Variants in DPP10 observed in about 807,000 individuals in gnomAD.
DPP10 encodes dipeptidyl peptidase like 10.
A neutral mutation model predicts 120.9 loss-of-function variants in DPP10; 33 were observed. The ratio of observed to expected loss-of-function variants is 0.27; its 90% CI spans 0.21 to 0.37. The LOEUF is 0.37. Ranked by LOEUF, DPP10 falls within the 10% of genes least tolerant of loss-of-function variation. The probability of loss-of-function intolerance (pLI) is 1.00; values close to 1 mark genes in which losing one functional copy is unlikely to be tolerated. For synonymous variants in DPP10, 337 were observed against 326.1 expected (o/e 1.03, Z -0.36); for missense variants, 816 against 942.8 (o/e 0.87, Z 1.76).
intron 1 of DPP10, among the ~76,000 whole-genome samples, chr2:114,923,181 TTC>T (rs1491014525): frequency 1.3e-5 from 2 of 151,804 alleles, no homozygotes; most frequent in African/African-American, 2.4e-5. Context: ...TGTATTTTTT[TTC>T]TTTTTTCTTT....
intron 3 of DPP10, among the ~76,000 whole-genome samples, chr2:115,473,706 T>G (rs2105200216): frequency 6.6e-6 from 1 of 152,318 alleles, no homozygotes; most frequent in South Asian, 2.1e-4. Context: ...CAGCTAACTT[T>G]ATGACTACTT....
chr2:115,760,044 C>T (rs1320093518), intron 11 of DPP10, among the ~76,000 whole-genome samples: 3 of 151,948 alleles, frequency 2.0e-5, no homozygotes, highest in East Asian at 3.9e-4. Context: ...AAAAAAAAAC[C>T]CATACATTAT....
intron 1 of DPP10, among the ~76,000 whole-genome samples, chr2:114,880,828 C>G (rs1691541389): frequency 6.6e-6 from 1 of 151,982 alleles, no homozygotes; most frequent in African/African-American, 2.4e-5. Flanking sequence ...ATTTCAAAAC[C>G]CAGTGCGATG....
intron 5 of DPP10, among the ~76,000 whole-genome samples, chr2:115,653,893 T>G (rs2149385780): frequency 6.6e-6 from 1 of 152,026 alleles, no homozygotes; most frequent in South Asian, 2.1e-4. Context: ...ATCCATGTTT[T>G]ATTGTTGTGA....
chr2:114,607,221 A>T (rs780559277), intron 1 of DPP10, among the ~76,000 whole-genome samples: 13 of 152,212 alleles, frequency 8.5e-5, no homozygotes, highest in Non-Finnish European at 2.9e-5. Flanking sequence ...GAGGGAACAC[A>T]GTTCTCCATG....
At chr2:114,800,155 T>C (rs1280589354) in intron 1 of DPP10, among the ~76,000 whole-genome samples, 1 of 152,172 alleles carries the variant, frequency 6.6e-6, no homozygotes, top group East Asian at 1.9e-4. Flanking sequence ...TAAATGGAAT[T>C]ATTGAAACAA....
chr2:114,965,205 C>T (rs771007178), intron 1 of DPP10, among the ~76,000 whole-genome samples: 23 of 152,114 alleles, frequency 1.5e-4, no homozygotes, highest in East Asian at 1.9e-4. Flanking sequence ...TGCATGATCT[C>T]GGCTCACTGC....
chr2:114,862,202 A>C (rs1353620030), intron 1 of DPP10, among the ~76,000 whole-genome samples: 1 of 152,174 alleles, frequency 6.6e-6, no homozygotes, highest in African/African-American at 2.4e-5. Context: ...ACAAAGGTAA[A>C]ATGAAATGGA....
At chr2:114,606,556 ATATAT>A in intron 1 of DPP10, among the ~76,000 whole-genome samples, 1 of 152,226 alleles carries the variant, frequency 6.6e-6, no homozygotes, top group Middle Eastern at 3.4e-3. Context: ...TCACAGTCTC[ATATAT>A]TCGGACCAGT....
intron 3 of DPP10, among the ~76,000 whole-genome samples, chr2:115,420,873 A>T (rs2069883270): frequency 6.6e-6 from 1 of 152,190 alleles, no homozygotes; most frequent in African/African-American, 2.4e-5. Flanking sequence ...AATATCAGAT[A>T]CTCAGAAAAA....
intron 1 of DPP10, among the ~76,000 whole-genome samples, chr2:114,627,004 G>C (rs986877102): frequency 3.9e-5 from 6 of 151,972 alleles, no homozygotes; most frequent in African/African-American, 1.2e-4. Context: ...AAAATATTTA[G>C]GCAGTTTTCC....
intron 11 of DPP10, among the ~76,000 whole-genome samples, chr2:115,754,794 A>G (rs1679192812): frequency 6.6e-6 from 1 of 152,170 alleles, no homozygotes; most frequent in Non-Finnish European, 1.5e-5. Context: ...TGGAATTAGC[A>G]GACACATGTT....
At chr2:114,770,818 A>G (rs754502930) in intron 1 of DPP10, among the ~76,000 whole-genome samples, 6 of 152,302 alleles carry the variant, frequency 3.9e-5, no homozygotes, top group Non-Finnish European at 8.8e-5. Flanking sequence ...TCCCTTCTCT[A>G]CAAGGAATAA....
intron 1 of DPP10, among the ~76,000 whole-genome samples, chr2:115,083,307 G>T (rs1451856166): frequency 6.6e-6 from 1 of 151,952 alleles, no homozygotes; most frequent in African/African-American, 2.4e-5. Flanking sequence ...GCCTCTTCCT[G>T]CATTAAAGTC....
At chr2:115,526,088 C>T (rs746171203) in intron 5 of DPP10, 116 bp downstream of exon 5, 38 of 720,448 alleles carry the variant, frequency 5.3e-5, no homozygotes, top group Admixed American at 1.2e-4. Flanking sequence ...TAGTAACTAC[C>T]GGAGGACAGT....
At chr2:114,736,619 G>C (rs538607773) in intron 1 of DPP10, among the ~76,000 whole-genome samples, 1 of 152,290 alleles carries the variant, frequency 6.6e-6, no homozygotes, top group East Asian at 1.9e-4. Flanking sequence ...AGGCAATGTT[G>C]ATAATTTAGG....
At chr2:114,726,219 G>T (rs1702037307) in intron 1 of DPP10, among the ~76,000 whole-genome samples, 1 of 147,424 alleles carries the variant, frequency 6.8e-6, no homozygotes, top group African/African-American at 2.5e-5. Context: ...CTGGGAAACA[G>T]AGCGAGACTA....
intron 1 of DPP10, among the ~76,000 whole-genome samples, chr2:114,582,537 G>A (rs1690619581): frequency 1.3e-5 from 2 of 152,300 alleles, no homozygotes; most frequent in South Asian, 4.1e-4. Flanking sequence ...AAGTGGCTGT[G>A]CCATTCTGTA....
At chr2:115,062,380 A>G (rs1706487187) in intron 1 of DPP10, among the ~76,000 whole-genome samples, 1 of 152,084 alleles carries the variant, frequency 6.6e-6, no homozygotes, top group Non-Finnish European at 1.5e-5. Flanking sequence ...TTTGTTTTTT[A>G]TTGTATTTTA....
Sources: gnomAD v4.1 joint callset for allele counts (sites outside exome capture counted in the v4.1 genomes callset) on GRCh38, gnomAD v4.1.1 for gene constraint, MANE v1.5 for transcripts, NCBI Gene and HGNC (gene_info 2026-07-23, HGNC 2026-07-21) for gene names.